Variants in SRGAP3 observed in about 807,000 individuals in gnomAD.
SRGAP3 encodes the protein SLIT-ROBO Rho GTPase activating protein 3.
SRGAP3 carries 39 observed loss-of-function variants against 121.1 expected under a neutral mutation model. The observed-to-expected ratio is 0.32, with a 90% CI of 0.25 to 0.42. SRGAP3 has a LOEUF of 0.42. Among genes scored for constraint, SRGAP3 ranks in the 10% least tolerant of loss-of-function variants. The probability of loss-of-function intolerance (pLI) is 1.00; values close to 1 mark genes in which losing one functional copy is unlikely to be tolerated. For synonymous variants in SRGAP3, 601 were observed against 570.0 expected (o/e 1.05, Z -0.77); for missense variants, 1,213 against 1,470.6 (o/e 0.82, Z 2.86).
At chr3:9,062,829 T>C (rs556442524) in intron 5 of SRGAP3, among the ~76,000 whole-genome samples, 2 of 152,352 alleles carry the variant, frequency 1.3e-5, no homozygotes, top group East Asian at 3.9e-4. Flanking sequence ...AATGCTGCTA[T>C]TCATGTACAA....
chr3:9,053,501 C>T (rs1945680195), intron 8 of SRGAP3, among the ~76,000 whole-genome samples: 1 of 152,204 alleles, frequency 6.6e-6, no homozygotes, highest in Non-Finnish European at 1.5e-5. Context: ...AATGTTGCAA[C>T]AAATGAGGAA....
chr3:9,333,091 T>C (rs1955637347), intron 1 of SRGAP3, among the ~76,000 whole-genome samples: 1 of 152,220 alleles, frequency 6.6e-6, no homozygotes, highest in Non-Finnish European at 1.5e-5. Context: ...AACCAGAATA[T>C]TATCACAGAT....
At chr3:9,138,147 T>A (rs1949728710) in intron 1 of SRGAP3, among the ~76,000 whole-genome samples, 1 of 152,238 alleles carries the variant, frequency 6.6e-6, no homozygotes, top group Non-Finnish European at 1.5e-5. Context: ...AACATCTAAA[T>A]CTTTCCCAAA....
chr3:9,121,283 G>T (rs1948995375), intron 2 of SRGAP3, among the ~76,000 whole-genome samples: 1 of 152,202 alleles, frequency 6.6e-6, no homozygotes, highest in African/African-American at 2.4e-5. Context: ...GGCACTGAGG[G>T]GCTACTTGGC....
chr3:9,182,200 A>AAAAAAAAAAAAAC (rs1491306717), intron 1 of SRGAP3, among the ~76,000 whole-genome samples: 2 of 146,304 alleles, frequency 1.4e-5, no homozygotes, highest in Non-Finnish European at 3.1e-5. Context: ...AAAAAAAAAA[A>AAAAAAAAAAAAAC]ACACAAAAAA....
At chr3:8,988,872 C>T (rs1941880158) in intron 21 of SRGAP3, among the ~76,000 whole-genome samples, 1 of 152,148 alleles carries the variant, frequency 6.6e-6, no homozygotes, top group African/African-American at 2.4e-5. Flanking sequence ...GATCTAATGC[C>T]CCCGCTGATC....
At chr3:9,319,284 T>C (rs1470140111) in intron 3 of SRGAP3, among the ~76,000 whole-genome samples, 1 of 151,856 alleles carries the variant, frequency 6.6e-6, no homozygotes, top group African/African-American at 2.4e-5. Context: ...GTACCTTAGC[T>C]TGTCCTCCAA....
chr3:9,010,488 G>T, intron 17 of SRGAP3, 101 bp from the exon 18 acceptor site: 2 of 1,288,452 alleles, frequency 1.6e-6, no homozygotes, highest in Non-Finnish European at 2.3e-6. Flanking sequence ...GGGCCCTCCC[G>T]CAGCTCAGAT....
chr3:9,154,874 T>C (rs1575156341), intron 1 of SRGAP3, among the ~76,000 whole-genome samples: 1 of 152,148 alleles, frequency 6.6e-6, no homozygotes, highest in Admixed American at 6.5e-5. Flanking sequence ...TTTTTTTTTT[T>C]TTTGCACAAA....
intron 19 of SRGAP3, 119 bp from the exon 20 acceptor site, chr3:8,993,174 C>G: frequency 6.6e-7 from 1 of 1,513,680 alleles, no homozygotes; most frequent in African/African-American, 1.4e-5. Context: ...ACTTTGTGCC[C>G]ACAGCGCTTG....
At chr3:9,353,193 A>G (rs1046028989) in intron 1 of SRGAP3, among the ~76,000 whole-genome samples, 3 of 152,236 alleles carry the variant, frequency 2.0e-5, no homozygotes, top group African/African-American at 7.2e-5. Context: ...TACCTACAAC[A>G]TTCTCCCTTG....
At chr3:9,119,991 T>C (rs1199090280) in intron 2 of SRGAP3, among the ~76,000 whole-genome samples, 2 of 152,240 alleles carry the variant, frequency 1.3e-5, no homozygotes, top group Non-Finnish European at 2.9e-5. Flanking sequence ...CAAGGTACAC[T>C]AACTTTGGGG....
At chr3:8,995,496 C>T (rs1286150039) in intron 18 of SRGAP3, among the ~76,000 whole-genome samples, 2 of 152,028 alleles carry the variant, frequency 1.3e-5, no homozygotes, top group African/African-American at 4.8e-5. Context: ...AACAAAAGTT[C>T]TTGTACAAAA....
chr3:9,306,932 T>G (rs1035141138), intron 3 of SRGAP3, among the ~76,000 whole-genome samples: 3 of 152,200 alleles, frequency 2.0e-5, no homozygotes, highest in Non-Finnish European at 4.4e-5. Flanking sequence ...TTTCAAATAT[T>G]TATGTGTAAT....
At chr3:9,125,920 A>C (rs1949206561) in intron 1 of SRGAP3, among the ~76,000 whole-genome samples, 1 of 152,214 alleles carries the variant, frequency 6.6e-6, no homozygotes, top group African/African-American at 2.4e-5. Context: ...TTCATTTCTC[A>C]GGACTTTACC....
chr3:9,143,268 C>G (rs1419103425), intron 1 of SRGAP3, among the ~76,000 whole-genome samples: 2 of 152,200 alleles, frequency 1.3e-5, no homozygotes, highest in Admixed American at 1.3e-4. Flanking sequence ...GGGAGATGAA[C>G]TCCAGCCTTC....
At chr3:9,045,607 T>C (rs990890532) in intron 10 of SRGAP3, among the ~76,000 whole-genome samples, 4 of 151,936 alleles carry the variant, frequency 2.6e-5, no homozygotes, top group African/African-American at 7.3e-5. Context: ...CCCCGGAGAA[T>C]GGCGGCAATG....
At chr3:9,209,160 T>C (rs1574872126) in intron 1 of SRGAP3, among the ~76,000 whole-genome samples, 1 of 152,326 alleles carries the variant, frequency 6.6e-6, no homozygotes. Context: ...TATAAATAGC[T>C]AAGTGATACT....
At chr3:9,201,495 G>A (rs1333040991) in intron 1 of SRGAP3, among the ~76,000 whole-genome samples, 1 of 152,258 alleles carries the variant, frequency 6.6e-6, no homozygotes, top group Non-Finnish European at 1.5e-5. Context: ...CAGAGGCAAG[G>A]AGCGTCCCCG....
Sources: allele counts gnomAD v4.1 joint callset (sites outside exome capture counted in the v4.1 genomes callset), GRCh38; gene constraint gnomAD v4.1.1; transcripts MANE v1.5; gene names NCBI Gene and HGNC (gene_info 2026-07-23, HGNC 2026-07-21).